Variants in CTNND2 observed in about 807,000 individuals in gnomAD.
CTNND2 encodes the protein catenin delta 2, also known as catenin delta-2.
In CTNND2, 22 loss-of-function variants were observed where a neutral mutation model predicts 144.4. That is an observed-to-expected ratio of 0.15 (90% confidence interval 0.11 to 0.22). CTNND2 has a LOEUF of 0.22. CTNND2 is among the 10% of genes least tolerant of loss of function. The pLI is 1.00. For missense variants in CTNND2, 1,353 were observed against 1,618.8 expected (o/e 0.84, Z 2.82); for synonymous variants, 751 against 695.6 (o/e 1.08, Z -1.25).
chr5:11,441,280 T>C (rs1183368086), intron 3 of CTNND2, among the ~76,000 whole-genome samples: 3 of 151,998 alleles, frequency 2.0e-5, no homozygotes, highest in African/African-American at 7.2e-5. Flanking sequence ...ACAGAGTTGA[T>C]ATAAAAACTG....
chr5:11,458,063 T>TGA (rs1466206747), intron 3 of CTNND2, among the ~76,000 whole-genome samples: 1 of 152,180 alleles, frequency 6.6e-6, no homozygotes, highest in African/African-American at 2.4e-5. Flanking sequence ...TAAGATTAAA[T>TGA]GAGTTCATAT....
chr5:11,302,361 A>G (rs1749700130), intron 9 of CTNND2, among the ~76,000 whole-genome samples: 1 of 151,988 alleles, frequency 6.6e-6, no homozygotes, highest in African/African-American at 2.4e-5. Context: ...ACACCTGGAG[A>G]CAGCTCTTAC....
At chr5:11,336,845 CACAA>C (rs1753779477) in intron 9 of CTNND2, among the ~76,000 whole-genome samples, 1 of 151,952 alleles carries the variant, frequency 6.6e-6, no homozygotes, top group Non-Finnish European at 1.5e-5. Flanking sequence ...ATCTATATGG[CACAA>C]ACACACACAC....
At chr5:11,456,447 C>T (rs1373906163) in intron 3 of CTNND2, among the ~76,000 whole-genome samples, 1 of 151,768 alleles carries the variant, frequency 6.6e-6, no homozygotes, top group Non-Finnish European at 1.5e-5. Flanking sequence ...TCTAGTTTCA[C>T]ATCTGTGTCC....
intron 2 of CTNND2, among the ~76,000 whole-genome samples, chr5:11,577,688 T>C (rs752126159): frequency 8.5e-5 from 13 of 152,202 alleles, no homozygotes; most frequent in South Asian, 6.2e-4. Context: ...GCAAATTACA[T>C]TGGAAGTTTG....
chr5:11,869,620 C>A (rs149924305), intron 1 of CTNND2, among the ~76,000 whole-genome samples: 3 of 152,054 alleles, frequency 2.0e-5, no homozygotes, highest in Admixed American at 2.0e-4. Context: ...AGCTGCTATT[C>A]GAAATAATGC....
intron 12 of CTNND2, among the ~76,000 whole-genome samples, chr5:11,133,716 TA>T (rs966447429): frequency 6.6e-6 from 1 of 152,226 alleles, no homozygotes; most frequent in Non-Finnish European, 1.5e-5. Context: ...GTTATTTCTG[TA>T]AAGAGAAGTA....
intron 3 of CTNND2, among the ~76,000 whole-genome samples, chr5:11,557,998 G>A (rs895980815): frequency 6.6e-6 from 1 of 152,186 alleles, no homozygotes; most frequent in African/African-American, 2.4e-5. Flanking sequence ...AAAATATTAA[G>A]AGGTGATTTC....
intron 11 of CTNND2, among the ~76,000 whole-genome samples, chr5:11,172,303 C>T (rs1054258502): frequency 2.0e-5 from 3 of 151,986 alleles, no homozygotes; most frequent in Middle Eastern, 3.2e-3. Context: ...TCCTGAGAAA[C>T]AGGAAAAAAA....
Position 11,089,587 on chromosome 5 carries a change from A to G in CTNND2, c.2638-6741T>C, listed in dbSNP as rs139466555. Among the ~76,000 whole-genome samples, 278 of 152,372 alleles carry G rather than the reference A, an allele frequency of 1.8e-3. 3 individuals carry two copies. The highest frequency in any genetic ancestry group is 6.8e-3 in the Middle Eastern group (2 of 294). ...AAAAGATGTCAGGTTGATTTACAGC[A>G]TCAAGTCTGATGATTTAACAACAGC... On this transcript the variant is annotated intron_variant, in intron 15 of 21. Coordinates refer to ENST00000304623, the MANE Select transcript of CTNND2 (RefSeq NM_001332.4).
chr5:11,514,635 C>T (rs1180490704), intron 3 of CTNND2, among the ~76,000 whole-genome samples: 1 of 152,122 alleles, frequency 6.6e-6, no homozygotes, highest in Non-Finnish European at 1.5e-5. Flanking sequence ...AAAAGCAATG[C>T]TGCATGAATG....
intron 3 of CTNND2, among the ~76,000 whole-genome samples, chr5:11,536,754 A>G (rs1195044103): frequency 6.6e-6 from 1 of 152,086 alleles, no homozygotes; most frequent in Non-Finnish European, 1.5e-5. Context: ...GAGGGATAAA[A>G]GACTATACAT....
intron 2 of CTNND2, among the ~76,000 whole-genome samples, chr5:11,581,337 C>T (rs1026280374): frequency 7.9e-5 from 12 of 152,090 alleles, no homozygotes; most frequent in Admixed American, 5.2e-4. Context: ...TTTCTTAGCC[C>T]TGTGTAACCT....
rs1580379079 is a variant in CTNND2, at chr5:11,132,994, T to A, written c.2160-15427A>T. On this transcript the variant is annotated intron_variant, in intron 12 of 21. Transcript: ENST00000304623. ...GACTCCAGTTAACTCGGCCAGAGAT[T>A]ACTGTATAGCTCTAGCTAGGTGAAT... Among the ~76,000 whole-genome samples, 8 of 152,290 alleles carry A rather than the reference T, an allele frequency of 5.3e-5. No homozygotes were observed. The South Asian group carries it at 1.7e-3, about 32-fold the overall frequency.
chr5:11,418,411 A>T (rs528940776), intron 3 of CTNND2, among the ~76,000 whole-genome samples: 103 of 152,298 alleles, frequency 6.8e-4, no homozygotes, highest in African/African-American at 2.4e-3. Context: ...CGTCTCAAAA[A>T]CAAAACAAAA....
chr5:11,186,270 A>C (rs1216430214), intron 11 of CTNND2, among the ~76,000 whole-genome samples: 2 of 152,230 alleles, frequency 1.3e-5, no homozygotes, highest in Non-Finnish European at 2.9e-5. Flanking sequence ...CGGTGTACAG[A>C]AGGTTCTGAT....
At chr5:11,169,662 T>G (rs1759704192) in intron 11 of CTNND2, among the ~76,000 whole-genome samples, 1 of 152,210 alleles carries the variant, frequency 6.6e-6, no homozygotes, top group Admixed American at 6.5e-5. Flanking sequence ...AGACGGCTAT[T>G]GCCTTGGGGT....
At chr5:11,735,604 G>A (rs1787638379) in intron 1 of CTNND2, among the ~76,000 whole-genome samples, 1 of 152,164 alleles carries the variant, frequency 6.6e-6, no homozygotes, top group Non-Finnish European at 1.5e-5. Flanking sequence ...TAGTGAGAGG[G>A]ACCAGGTGGG....
At chr5:11,801,221 TG>T (rs1325659130) in intron 1 of CTNND2, among the ~76,000 whole-genome samples, 1 of 152,212 alleles carries the variant, frequency 6.6e-6, no homozygotes, top group African/African-American at 2.4e-5. Flanking sequence ...GGAGGTTTTT[TG>T]TAAGTTTGCA....
Sources: allele counts gnomAD v4.1 joint callset (sites outside exome capture counted in the v4.1 genomes callset), GRCh38; gene constraint gnomAD v4.1.1; transcripts MANE v1.5; gene names NCBI Gene and HGNC (gene_info 2026-07-23, HGNC 2026-07-21).